The following HECW1 variants were observed in gnomAD, a reference collection of about 807,000 sequenced individuals.
The protein encoded by HECW1 is E3 ubiquitin-protein ligase HECW1.
In HECW1, 61 loss-of-function variants were observed where a neutral mutation model predicts 182.3. That is an observed-to-expected ratio of 0.33 (90% CI 0.27 to 0.41). HECW1 has a LOEUF of 0.41. Among genes scored for constraint, HECW1 ranks in the 10% least tolerant of loss-of-function variants. The pLI is 1.00. For missense variants in HECW1, 1,739 were observed against 2,108.9 expected (o/e 0.82, Z 3.44); for synonymous variants, 859 against 832.6 (o/e 1.03, Z -0.55).
intron 29 of HECW1, among the ~76,000 whole-genome samples, chr7:43,557,771 C>A (rs1035087864): frequency 1.3e-5 from 2 of 152,208 alleles, no homozygotes; most frequent in Non-Finnish European, 2.9e-5. Context: ...TATCACAACT[C>A]AGGACATGCA....
chr7:43,303,069 G>A (rs1418844074), intron 3 of HECW1, among the ~76,000 whole-genome samples: 2 of 152,008 alleles, frequency 1.3e-5, no homozygotes, highest in Non-Finnish European at 2.9e-5. Context: ...GGCCCTCCTG[G>A]CTGCCACCTT....
intron 5 of HECW1, among the ~76,000 whole-genome samples, chr7:43,331,290 C>T (rs35717249): frequency 0.051 from 7,710 of 152,090 alleles, 313 homozygotes; most frequent in East Asian, 0.22. Flanking sequence ...CTAGCTTCAT[C>T]CATGTAAGAT....
intron 3 of HECW1, among the ~76,000 whole-genome samples, chr7:43,308,125 T>A (rs189595476): frequency 1.9e-5 from 2 of 104,296 alleles, no homozygotes; most frequent in Non-Finnish European, 3.5e-5. Context: ...ATATAATATA[T>A]TTATATATAA....
chr7:43,398,408 CTG>C (rs1257724160), intron 7 of HECW1, among the ~76,000 whole-genome samples: 2 of 152,292 alleles, frequency 1.3e-5, no homozygotes, highest in African/African-American at 4.8e-5. Context: ...CCTGAGGACT[CTG>C]TTGAGCACAG....
At chr7:43,438,469 T>C (rs1210832771) in intron 9 of HECW1, 2 of 176,232 alleles carry the variant, frequency 1.1e-5, no homozygotes, top group African/African-American at 4.7e-5. Context: ...TTTGTTTTAC[T>C]ATGAAGAATA....
At chr7:43,355,888 C>T (rs1038843955) in intron 5 of HECW1, among the ~76,000 whole-genome samples, 7 of 152,114 alleles carry the variant, frequency 4.6e-5, no homozygotes, top group African/African-American at 1.7e-4. Flanking sequence ...ACTCAGGAGG[C>T]TGAGGCAGGA....
intron 2 of HECW1, among the ~76,000 whole-genome samples, chr7:43,157,891 A>G (rs989565555): frequency 6.6e-6 from 1 of 152,178 alleles, no homozygotes; most frequent in Non-Finnish European, 1.5e-5. Flanking sequence ...ATATTTCCTC[A>G]CATCCACAGA....
intron 6 of HECW1, among the ~76,000 whole-genome samples, chr7:43,378,868 T>TG (rs1448366297): frequency 6.6e-6 from 1 of 151,464 alleles, no homozygotes; most frequent in Non-Finnish European, 1.5e-5. Flanking sequence ...GCAGGAATGA[T>TG]GGTGAAACAG....
intron 3 of HECW1, among the ~76,000 whole-genome samples, chr7:43,277,329 G>C (rs867922037): frequency 3.3e-5 from 5 of 152,178 alleles, no homozygotes; most frequent in South Asian, 4.2e-4. Flanking sequence ...ACAGGTGAAC[G>C]GCCCGCATGT....
At chr7:43,410,385 G>A (rs1166894362) in intron 8 of HECW1, among the ~76,000 whole-genome samples, 1 of 152,082 alleles carries the variant, frequency 6.6e-6, no homozygotes, top group Admixed American at 6.5e-5. Context: ...TAATCCCATC[G>A]TGAGGACCCT....
chr7:43,476,986 A>G (rs2078239552), intron 16 of HECW1, among the ~76,000 whole-genome samples: 1 of 152,208 alleles, frequency 6.6e-6, no homozygotes, highest in South Asian at 2.1e-4. Context: ...GCACTTGGAT[A>G]ATAAATAAGA....
chr7:43,119,392 T>G (rs1056704384), intron 2 of HECW1, among the ~76,000 whole-genome samples: 2 of 152,368 alleles, frequency 1.3e-5, no homozygotes, highest in East Asian at 3.9e-4. Flanking sequence ...GCAGCCTCTC[T>G]GGCTCTTCTC....
rs188214252 is a variant in HECW1 at position 43,491,230 on chromosome 7, C to G, written c.3235-845C>G. Among the ~76,000 whole-genome samples the G allele has an allele frequency of 2.0e-5, 3 of 152,322 alleles. No homozygotes were observed. The East Asian group carries it at 5.8e-4, about 29-fold the overall frequency. On this transcript the variant is annotated intron_variant, in intron 17 of 29. Transcript: ENST00000395891. Reference sequence around the variant, plus strand: ...AGTCAAGTATTAGAATCCTGGTTATCCCCCTGTCTTACGGTTGTAAACCTG... The same window carrying G: ...AGTCAAGTATTAGAATCCTGGTTATGCCCCTGTCTTACGGTTGTAAACCTG...
At chr7:43,503,158 T>G (rs1022840327) in intron 21 of HECW1, among the ~76,000 whole-genome samples, 3 of 152,198 alleles carry the variant, frequency 2.0e-5, no homozygotes, top group Non-Finnish European at 4.4e-5. Flanking sequence ...GTTAAGGAAA[T>G]GTGCAATGCT....
chr7:43,311,846 G>T lies in HECW1; in HGVS notation c.111G>T (p.Glu37Asp), dbSNP rs764710194. Reference sequence around the variant, plus strand: ...CCCAGAGCCGACGCCGGTGCAAGGAGCCGCTCCGATACAGCTACAACCCCG... The same window carrying T: ...CCCAGAGCCGACGCCGGTGCAAGGATCCGCTCCGATACAGCTACAACCCCG... ...RNSQSRRRCK[E>D]PLRYSYNPDQ... Residue 37 changes from glutamate (E) to aspartate (D), a missense_variant, in exon 4 of 30, where the codon GAG (glutamate) becomes GAT (aspartate). This residue lies in a region of HECW1 where 279 missense variants were observed against 353.1 expected (regional missense o/e 0.79). Transcript: ENST00000395891. The T allele has an allele frequency of 9.9e-6, 16 of 1,614,182 alleles. No homozygotes were observed. Among genetic ancestry groups the T allele is most frequent in the Non-Finnish European group, 1.4e-5 (16 of 1,180,016 alleles).
At chr7:43,519,012 T>A (rs2080309518) in intron 24 of HECW1, among the ~76,000 whole-genome samples, 1 of 152,158 alleles carries the variant, frequency 6.6e-6, no homozygotes, top group Admixed American at 6.5e-5. Flanking sequence ...TAAAGTTATC[T>A]CATAGAAACA....
At chr7:43,482,235 CAA>C (rs1463541768) in intron 17 of HECW1, among the ~76,000 whole-genome samples, 1 of 152,070 alleles carries the variant, frequency 6.6e-6, no homozygotes, top group Non-Finnish European at 1.5e-5. Context: ...CCAGAGAAAA[CAA>C]AGACTCGGCC....
At chr7:43,146,199 G>C (rs1296305685) in intron 2 of HECW1, among the ~76,000 whole-genome samples, 1 of 152,066 alleles carries the variant, frequency 6.6e-6, no homozygotes, top group African/African-American at 2.4e-5. Flanking sequence ...TTGGATTTAG[G>C]GTTTCTCCAC....
chr7:43,180,503 C>G (rs1257792892), intron 2 of HECW1, among the ~76,000 whole-genome samples: 1 of 152,138 alleles, frequency 6.6e-6, no homozygotes, highest in South Asian at 2.1e-4. Context: ...TCACGCCATT[C>G]TCCTGCCTCA....
Sources: gnomAD v4.1 joint callset for allele counts (sites outside exome capture counted in the v4.1 genomes callset) on GRCh38, gnomAD v4.1.1 for gene constraint, gnomAD v4.1.1 regional missense constraint, MANE v1.5 for transcripts, NCBI Gene and HGNC (gene_info 2026-07-23, HGNC 2026-07-21) for gene names.